LRIG2: variants seen among roughly 807,000 people sequenced by gnomAD.
The protein encoded by LRIG2 is leucine-rich repeats and immunoglobulin-like domains protein 2.
Under a neutral mutation model 107.8 loss-of-function variants are expected in LRIG2, and 93 were observed. That is an observed-to-expected ratio of 0.86 (90% confidence interval 0.73 to 1.03). LRIG2 has a LOEUF of 1.03. LRIG2 is among the 50% of genes least tolerant of loss of function. The pLI, the probability that LRIG2 is intolerant of heterozygous loss-of-function variation, is 0.00. For missense variants in LRIG2, 1,226 were observed against 1,296.0 expected (o/e 0.95, Z 0.83); for synonymous variants, 471 against 470.6 (o/e 1.00, Z -0.01).
chr1:113,120,505 A>ATTT (rs751770841), intron 17 of LRIG2, among the ~76,000 whole-genome samples: 13,418 of 125,716 alleles, frequency 0.11, 651 homozygotes, highest in Admixed American at 0.15. Context: ...TACTGAGAAG[A>ATTT]TTTTTTTTTT....
At chr1:113,084,972 TTAAG>T (rs1326896131) in intron 1 of LRIG2, among the ~76,000 whole-genome samples, 2 of 152,222 alleles carry the variant, frequency 1.3e-5, no homozygotes, top group Non-Finnish European at 2.9e-5. Context: ...TAAAAGCAAT[TTAAG>T]TAATTACACT....
chr1:113,122,672 A>AT (rs1655315414), intron 17 of LRIG2, among the ~76,000 whole-genome samples: 3 of 152,262 alleles, frequency 2.0e-5, no homozygotes, highest in Admixed American at 6.5e-5. Flanking sequence ...CCCATTGGCG[A>AT]TTTTTTATGT....
chr1:113,102,522 G>A (rs990678226), intron 11 of LRIG2, among the ~76,000 whole-genome samples: 2 of 151,698 alleles, frequency 1.3e-5, no homozygotes, highest in African/African-American at 4.8e-5. Flanking sequence ...CGCCCGCCTC[G>A]GCCTCCCAAA....
chr1:113,110,703 T>C (rs1389454074), intron 13 of LRIG2, 141 bp downstream of exon 13: 2 of 695,342 alleles, frequency 2.9e-6, no homozygotes, highest in South Asian at 2.0e-5. Context: ...TGATAACTTA[T>C]CAAGTGGGTG....
chr1:113,112,689 T>A lies in LRIG2; in HGVS notation c.2009T>A (p.Met670Lys). Reference protein sequence around the residue: ...FFIANVKIEDMGIYSCMAQNT... With the variant: ...FFIANVKIEDKGIYSCMAQNT... ...ATTGCCAATGTGAAAATAGAAGATA[T>A]GGGAATCTATAGCTGCATGGCACAA... Residue 670 changes from methionine to lysine, a missense_variant, in exon 14 of 18, where the codon ATG (methionine) becomes AAG (lysine). Physicochemically the swap from Met to Lys is moderately conservative, Grantham distance 95. This residue lies in a region of LRIG2 where 642 missense variants were observed against 712.2 expected (regional missense o/e 0.90). Coordinates refer to ENST00000361127, the MANE Select transcript of LRIG2 (RefSeq NM_014813.3). 6.2e-7 allele frequency: 1 copy of A among 1,613,932 alleles called. No homozygotes were observed. Among genetic ancestry groups the A allele is most frequent in the South Asian group, 1.1e-5 (1 of 91,070 alleles).
chr1:113,075,584 C>T (rs941796052), intron 1 of LRIG2, among the ~76,000 whole-genome samples: 3 of 151,620 alleles, frequency 2.0e-5, no homozygotes, highest in Non-Finnish European at 4.4e-5. Context: ...CAGCAAGTGC[C>T]TTTTTCTAAG....
intron 1 of LRIG2, among the ~76,000 whole-genome samples, chr1:113,089,384 G>A (rs563547818): frequency 1.3e-5 from 2 of 152,280 alleles, no homozygotes; most frequent in East Asian, 1.9e-4. Context: ...AATCTCTACT[G>A]TATCTAATAA....
At chr1:113,090,737 C>T (rs1653771242) in intron 1 of LRIG2, among the ~76,000 whole-genome samples, 1 of 151,532 alleles carries the variant, frequency 6.6e-6, no homozygotes, top group Non-Finnish European at 1.5e-5. Flanking sequence ...ACTAGGGAGG[C>T]TGAGGCAGGA....
chr1:113,109,583 T>C (rs1570760325), intron 12 of LRIG2, among the ~76,000 whole-genome samples: 1 of 152,206 alleles, frequency 6.6e-6, no homozygotes, highest in African/African-American at 2.4e-5. Context: ...AGTGGCGTGA[T>C]CTCGGCTCAC....
Position 113,100,258 on chromosome 1 carries a change from T to C in LRIG2, c.1220T>C (p.Ile407Thr). 1.3e-6 allele frequency: 2 copies of C among 1,589,970 alleles called. No homozygotes were observed. The highest frequency in any genetic ancestry group is 1.7e-6 in the Non-Finnish European group (2 of 1,162,476). The change falls in exon 10 of 18, where the codon ATT becomes ACT. Residue 407 changes from isoleucine (I) to threonine (T), a missense_variant. Transcript: ENST00000361127. ...AAGTCAATTACAAAGAAAGCATTCA[T>C]TGGTCTTGAATCCCTTGAGCATCTG... ...QIKSITKKAFIGLESLEHLDL... is the reference protein window; with the variant it reads ...QIKSITKKAFTGLESLEHLDL...
intron 6 of LRIG2, among the ~76,000 whole-genome samples, chr1:113,094,968 T>TTATATATA (rs372586532): frequency 9.6e-5 from 10 of 104,680 alleles, no homozygotes; most frequent in East Asian, 2.3e-4. Flanking sequence ...TCTAAAAAGT[T>TTATATATA]TATATATATA....
intron 13 of LRIG2, 37 bp from the exon 14 acceptor site, chr1:113,112,442 C>T: frequency 6.3e-7 from 1 of 1,579,806 alleles, no homozygotes. Context: ...TCTTTGTTCC[C>T]TTGCCCACTT....
chr1:113,118,309 C>T (rs1655102183), intron 16 of LRIG2, among the ~76,000 whole-genome samples: 1 of 152,190 alleles, frequency 6.6e-6, no homozygotes, highest in Non-Finnish European at 1.5e-5. Flanking sequence ...CATAATAATC[C>T]AGGGAGTTCA....
Position 113,114,748 on chromosome 1 carries a change from A to T in LRIG2, c.2402A>T (p.Asp801Val), listed in dbSNP as rs202093071. 4.3e-6 allele frequency: 7 copies of T among 1,614,200 alleles called. No homozygotes were observed. In the South Asian group the frequency reaches 4.4e-5, roughly 10 times the overall value. ...CAGAGTAGCATTGGGCATGAAGATG[A>T]TGGCTGGACCACAGTTGGCATTGTC... ...SSQSSIGHED[D>V]GWTTVGIVII... is the part of the protein sequence containing the mutation. Residue 801 changes from aspartate (D) to valine (V), a missense_variant, in exon 15 of 18, where the codon GAT (aspartate) becomes GTT (valine). Coordinates refer to ENST00000361127, the MANE Select transcript of LRIG2 (RefSeq NM_014813.3).
chr1:113,120,877 G>GGC (rs1462551612), intron 17 of LRIG2, among the ~76,000 whole-genome samples: 2 of 149,840 alleles, frequency 1.3e-5, no homozygotes, highest in Non-Finnish European at 3.0e-5. Flanking sequence ...GGAGTCCAGT[G>GGC]GCGTGATCTC....
chr1:113,080,465 C>G (rs1047522730), intron 1 of LRIG2, among the ~76,000 whole-genome samples: 11 of 151,380 alleles, frequency 7.3e-5, no homozygotes, highest in African/African-American at 2.4e-4. Context: ...CTGCAAGCTC[C>G]GCCTTCCAGG....
intron 17 of LRIG2, among the ~76,000 whole-genome samples, chr1:113,121,447 T>C (rs935966421): frequency 5.9e-5 from 9 of 151,916 alleles, no homozygotes; most frequent in Admixed American, 6.6e-5. Context: ...AGCAGTGGAA[T>C]AGGGTAGGAG....
Position 113,110,277 on chromosome 1 carries a change from G to A in LRIG2, c.1513G>A (p.Glu505Lys). Residue 505 changes from glutamate (E) to lysine (K), a missense_variant, in exon 13 of 18, where the codon GAA becomes AAA. By Grantham distance (56) the Glu-to-Lys change is moderately conservative (BLOSUM62 1). Around this residue, in one of 3 missense-constraint regions of LRIG2, gnomAD observed 642 missense variants for 712.2 expected, o/e 0.90. Transcript: ENST00000361127. ...FLKPQIRTHPETIIALRGMNV... is the reference protein window; with the variant it reads ...FLKPQIRTHPKTIIALRGMNV... ...CAAGCCACAGATAAGGACACATCCTGAAACCATAATTGCTCTAAGAGGCAT... is the reference window on the plus strand; with the variant it reads ...CAAGCCACAGATAAGGACACATCCTAAAACCATAATTGCTCTAAGAGGCAT... 3 of 1,612,802 alleles carry A rather than the reference G, an allele frequency of 1.9e-6. No individual in the cohort carries two copies. Among genetic ancestry groups the A allele is most frequent in the Non-Finnish European group, 2.5e-6 (3 of 1,179,018 alleles).
At chr1:113,090,689 T>A (rs1209030449) in intron 1 of LRIG2, among the ~76,000 whole-genome samples, 2 of 151,148 alleles carry the variant, frequency 1.3e-5, no homozygotes, top group Admixed American at 1.3e-4. Flanking sequence ...TACAAAAAAA[T>A]TAGCCGGGCG....
Sources: allele counts gnomAD v4.1 joint callset (sites outside exome capture counted in the v4.1 genomes callset), GRCh38; gene constraint gnomAD v4.1.1; regional missense constraint gnomAD v4.1.1; transcripts MANE v1.5; gene names NCBI Gene and HGNC (gene_info 2026-07-23, HGNC 2026-07-21).